Variants in ZNF385D observed in about 807,000 individuals in gnomAD.
ZNF385D encodes the protein zinc finger protein 385D, also known as zinc finger protein 659.
A neutral mutation model predicts 35.8 loss-of-function variants in ZNF385D; 15 were observed. That is an observed-to-expected ratio of 0.42 (90% CI 0.28 to 0.64). The LOEUF (loss-of-function observed/expected upper bound fraction) is 0.64, where lower values mean the gene tolerates loss of function less well. Among genes scored for constraint, ZNF385D ranks in the 30% least tolerant of loss-of-function variants. The pLI is 0.23. For missense variants in ZNF385D, 474 were observed against 494.6 expected (o/e 0.96, Z 0.39); for synonymous variants, 212 against 186.8 (o/e 1.13, Z -1.10).
At chr3:21,467,362 T>C (rs1217179996) in intron 4 of ZNF385D, among the ~76,000 whole-genome samples, 6 of 152,188 alleles carry the variant, frequency 3.9e-5, no homozygotes, top group Non-Finnish European at 8.8e-5. Context: ...TTATTCTGAT[T>C]CTAAGTGCCC....
At chr3:21,970,401 T>A (rs1047507361) in intron 3 of ZNF385D, among the ~76,000 whole-genome samples, 1 of 151,210 alleles carries the variant, frequency 6.6e-6, no homozygotes, top group Non-Finnish European at 1.5e-5. Flanking sequence ...GAAAATGCAG[T>A]TGACATACTG....
intron 2 of ZNF385D, among the ~76,000 whole-genome samples, chr3:22,271,514 T>A (rs925523258): frequency 5.3e-5 from 8 of 151,880 alleles, no homozygotes; most frequent in Non-Finnish European, 8.8e-5. Context: ...TCTTACCAAG[T>A]CCCCATTTAA....
rs1699434544 is a variant in ZNF385D, at chr3:22,240,484, C to T, written c.107-71449G>A. On this transcript the variant is annotated intron_variant, in intron 2 of 5. Coordinates refer to the ZNF385D transcript ENST00000494108. Reference sequence around the variant, plus strand: ...TTAGTTGTAAACCTGGATCACCCACCTTTACTTAGCTCCTTTCTAATTGGA... The same window carrying T: ...TTAGTTGTAAACCTGGATCACCCACTTTTACTTAGCTCCTTTCTAATTGGA... Among the ~76,000 whole-genome samples the T allele has an allele frequency of 1.3e-5, 2 of 151,044 alleles. 1 individual carries two copies.
chr3:21,838,321 C>G (rs890795251), intron 3 of ZNF385D, among the ~76,000 whole-genome samples: 1 of 151,974 alleles, frequency 6.6e-6, no homozygotes, highest in Non-Finnish European at 1.5e-5. Context: ...CTTGGAGGAT[C>G]TGGGAGATAA....
At chr3:21,718,733 A>G (rs2068423417) in intron 1 of ZNF385D, among the ~76,000 whole-genome samples, 1 of 152,216 alleles carries the variant, frequency 6.6e-6, no homozygotes, top group Non-Finnish European at 1.5e-5. Flanking sequence ...ATAAATCTGC[A>G]AAGATAAAAA....
At chr3:21,798,461 G>A (rs1423370871) in intron 3 of ZNF385D, among the ~76,000 whole-genome samples, 3 of 152,112 alleles carry the variant, frequency 2.0e-5, no homozygotes, top group African/African-American at 4.8e-5. Flanking sequence ...CTTACCATTG[G>A]TCCCCTTTTC....
At chr3:21,452,499 T>C (rs1702519597) in intron 4 of ZNF385D, among the ~76,000 whole-genome samples, 2 of 152,092 alleles carry the variant, frequency 1.3e-5, no homozygotes, top group South Asian at 4.1e-4. Flanking sequence ...TATTCATAGA[T>C]GACATGATCT....
At chr3:21,753,760 T>C (rs1046645097), upstream of ZNF385D, among the ~76,000 whole-genome samples, 17 of 87,088 alleles carry the variant, frequency 2.0e-4, no homozygotes, top group Admixed American at 2.1e-3. Context: ...AAAATGCAAC[T>C]TTGGTGGTTG....
At chr3:22,272,956 T>G (rs1701252326) in intron 2 of ZNF385D, among the ~76,000 whole-genome samples, 1 of 152,016 alleles carries the variant, frequency 6.6e-6, no homozygotes, top group African/African-American at 2.4e-5. Flanking sequence ...AATGATGACT[T>G]TTTTCACTTT....
intron 2 of ZNF385D, among the ~76,000 whole-genome samples, chr3:22,352,670 T>C (rs150934724): frequency 6.6e-6 from 1 of 152,150 alleles, no homozygotes; most frequent in East Asian, 1.9e-4. Flanking sequence ...CATCCTGAGG[T>C]TTTCACCAAG....
intron 4 of ZNF385D, among the ~76,000 whole-genome samples, chr3:21,438,508 C>A (rs747695184): frequency 1.3e-5 from 2 of 152,108 alleles, no homozygotes; most frequent in Non-Finnish European, 2.9e-5. Context: ...TGGAATATCC[C>A]CTTTCATCCA....
At chr3:21,482,961 T>G (rs1575021273) in intron 4 of ZNF385D, among the ~76,000 whole-genome samples, 1 of 152,124 alleles carries the variant, frequency 6.6e-6, no homozygotes, top group African/African-American at 2.4e-5. Flanking sequence ...ACCAGAAAAT[T>G]GACATTAGAC....
At chr3:22,094,397 T>TATATATCAACAATATATATTGTTG (rs1701503700) in intron 3 of ZNF385D, among the ~76,000 whole-genome samples, 10 of 125,220 alleles carry the variant, frequency 8.0e-5, no homozygotes, top group Non-Finnish European at 1.5e-4. Context: ...TATATATATA[T>TATATATCAACAATATATATTGTTG]ATATATATAT....
chr3:22,285,968 A>G (rs1702002101), intron 2 of ZNF385D, among the ~76,000 whole-genome samples: 1 of 152,224 alleles, frequency 6.6e-6, no homozygotes, highest in South Asian at 2.1e-4. Flanking sequence ...CTAGGAGTCA[A>G]CCAGATCATG....
At position 21,811,108 on chromosome 3, in the gene ZNF385D, G is replaced by C. The variant is rs112737856; in HGVS notation, c.326-146080C>G. Among the ~76,000 whole-genome samples, 886 of 151,832 alleles carry C rather than the reference G, an allele frequency of 5.8e-3. 15 individuals carry two copies. Among genetic ancestry groups the C allele is most frequent in the African/African-American group, 0.02 (845 of 41,460 alleles). On this transcript the variant is annotated intron_variant, in intron 3 of 5. Transcript: ENST00000494108. ...AGAGATACAAATGCAAAGAATCAAA[G>C]AATTTAATAAAAATAATCTCAAATC... is the stretch of plus-strand genomic sequence containing the variant.
intron 2 of ZNF385D, among the ~76,000 whole-genome samples, chr3:22,300,276 A>G (rs1463530089): frequency 1.3e-5 from 2 of 151,862 alleles, no homozygotes; most frequent in East Asian, 3.9e-4. Flanking sequence ...TGGGCCATAT[A>G]TTAAAAATCA....
intron 2 of ZNF385D, among the ~76,000 whole-genome samples, chr3:21,609,375 GA>G (rs1307214306): frequency 6.6e-6 from 1 of 152,168 alleles, no homozygotes; most frequent in Non-Finnish European, 1.5e-5. Flanking sequence ...AAAGTGTTCA[GA>G]AGTCTAGAGT....
chr3:22,070,351 G>A lies in ZNF385D; in HGVS notation c.325+98466C>T, dbSNP rs116159143. Among the ~76,000 whole-genome samples, 894 of 152,052 alleles carry A rather than the reference G, an allele frequency of 5.9e-3. 6 individuals are homozygous for A. The highest frequency in any genetic ancestry group is 0.02 in the African/African-American group (843 of 41,498). ...AAAGCAATATATACTACAGAGAAAC[G>A]GATGCCTATGAAGTAACCCGCTTTC... On this transcript the variant is annotated intron_variant, in intron 3 of 5. Transcript: ENST00000494108.
In ZNF385D at chr3:21,770,392, G is replaced by C. The variant is rs1310317512; in HGVS notation, c.326-105364C>G. On this transcript the variant is annotated intron_variant, in intron 3 of 5. Transcript: ENST00000494108. The stretch of plus-strand genomic sequence containing the variant: ...ACAAAGAACTCAAACAAATTTACAA[G>C]AAAAAAACAAGGAACCCCATCAAAA... Among the ~76,000 whole-genome samples, 8 of 151,878 alleles carry C rather than the reference G, an allele frequency of 5.3e-5. No individual in the cohort carries two copies. The East Asian group carries it at 1.5e-3, about 29-fold the overall frequency.
Sources: gnomAD v4.1 joint callset for allele counts (sites outside exome capture counted in the v4.1 genomes callset) on GRCh38, gnomAD v4.1.1 for gene constraint, MANE v1.5 for transcripts, NCBI Gene and HGNC (gene_info 2026-07-23, HGNC 2026-07-21) for gene names.